The following TMEM260 variants were observed in gnomAD, a reference collection of about 807,000 sequenced individuals.
TMEM260 encodes the protein transmembrane protein 260.
TMEM260 carries 82 observed loss-of-function variants against 88.9 expected under a neutral mutation model. The observed-to-expected ratio is 0.92, with a 90% CI of 0.77 to 1.11. TMEM260 has a LOEUF of 1.11. Among genes scored for constraint, TMEM260 ranks in the 50% least tolerant of loss-of-function variants. TMEM260 has a pLI of 0.00. For missense variants in TMEM260, 902 were observed against 853.4 expected, an observed-to-expected ratio of 1.06 and a Z score of -0.71; for synonymous variants, 314 against 309.3, an observed-to-expected ratio of 1.02 and a Z score of -0.16.
intron 12 of TMEM260, among the ~76,000 whole-genome samples, 153 bp from the exon 13 acceptor site, chr14:56,632,842 A>G (rs1888719634): frequency 6.6e-6 from 1 of 152,206 alleles, no homozygotes; most frequent in South Asian, 2.1e-4. Context: ...ACAAGTGAGA[A>G]GACTAAACAC....
chr14:56,623,164 T>C (rs536435769), intron 11 of TMEM260, among the ~76,000 whole-genome samples: 1 of 152,302 alleles, frequency 6.6e-6, no homozygotes, highest in African/African-American at 2.4e-5. Context: ...TAGGGTGCAT[T>C]TGAATGCAAG....
Position 56,613,080 on chromosome 14 carries a change from T to C in TMEM260, c.857+795T>C, listed in dbSNP as rs188992737. The C allele has an allele frequency of 1.2e-3, 181 of 152,292 alleles. 2 individuals are homozygous for C. The highest frequency in any genetic ancestry group is 4.0e-3 in the African/African-American group (165 of 41,568). 9.4% of individuals were successfully genotyped at this position (152,292 alleles called of 1,614,324 possible). ...TATTTTCATGTATATTATTTAATAG[T>C]GTTCTTTGAAAACTGGGTTAATATT... On this transcript the variant is annotated intron_variant, in intron 7 of 15. Coordinates refer to ENST00000261556, the MANE Select transcript of TMEM260 (RefSeq NM_017799.4).
At chr14:56,590,667 C>A (rs758564236) in intron 3 of TMEM260, among the ~76,000 whole-genome samples, 1 of 152,216 alleles carries the variant, frequency 6.6e-6, no homozygotes, top group Non-Finnish European at 1.5e-5. Flanking sequence ...AATATCACAG[C>A]GGCAGCAGAT....
intron 3 of TMEM260, among the ~76,000 whole-genome samples, chr14:56,592,311 G>A (rs963345498): frequency 6.6e-6 from 1 of 152,106 alleles, no homozygotes; most frequent in East Asian, 1.9e-4. Flanking sequence ...TTTATATCAT[G>A]TCCTAAATTA....
At chr14:56,584,573 G>A (rs929844912) in intron 1 of TMEM260, among the ~76,000 whole-genome samples, 3 of 151,994 alleles carry the variant, frequency 2.0e-5, no homozygotes, top group African/African-American at 7.2e-5. Flanking sequence ...GGGTAGTATG[G>A]GACATTTTAT....
chr14:56,640,030 G>C (rs139055000), intron 15 of TMEM260, among the ~76,000 whole-genome samples: 2,962 of 152,206 alleles, frequency 0.019, 101 homozygotes, highest in African/African-American at 0.066. Context: ...GGAGGCCTGC[G>C]TGCCTTCCTG....
intron 12 of TMEM260, among the ~76,000 whole-genome samples, chr14:56,630,824 G>A (rs1888543565): frequency 1.3e-5 from 2 of 152,262 alleles, no homozygotes; most frequent in Middle Eastern, 3.4e-3. Context: ...TTTTTGGTCT[G>A]TTTGTTTAGC....
At chr14:56,660,490 A>G in the TMEM260 span, among the ~76,000 whole-genome samples, 7 of 152,346 alleles carry the variant, frequency 4.6e-5, no homozygotes, top group East Asian at 7.7e-4. Flanking sequence ...GAGCATGTCA[A>G]CGTCTCAAGA....
intron 12 of TMEM260, among the ~76,000 whole-genome samples, chr14:56,629,102 G>T (rs989481126): frequency 4.0e-4 from 60 of 151,872 alleles, no homozygotes; most frequent in African/African-American, 1.4e-3. Context: ...CACCATGTTG[G>T]CCAGGCTGGT....
intron 3 of TMEM260, among the ~76,000 whole-genome samples, chr14:56,603,441 A>G (rs565656973): frequency 1.2e-4 from 19 of 152,240 alleles, no homozygotes; most frequent in African/African-American, 4.1e-4. Context: ...AATTTTTACA[A>G]TCAAACATTT....
intron 3 of TMEM260, among the ~76,000 whole-genome samples, chr14:56,603,412 A>G (rs187908564): frequency 6.6e-6 from 1 of 152,272 alleles, no homozygotes; most frequent in Non-Finnish European, 1.5e-5. Flanking sequence ...TTTCTGAATA[A>G]ATATTTTTTC....
At chr14:56,612,601 T>A (rs1057474808) in intron 7 of TMEM260, 4 of 284,032 alleles carry the variant, frequency 1.4e-5, no homozygotes, top group African/African-American at 8.8e-5. Context: ...CCTAGTATAA[T>A]GTAAATGCTA....
At chr14:56,588,597 A>C (rs1234445494) in intron 3 of TMEM260, among the ~76,000 whole-genome samples, 2 of 152,028 alleles carry the variant, frequency 1.3e-5, no homozygotes, top group Non-Finnish European at 2.9e-5. Context: ...GAACTCATTT[A>C]TATTTGCTTT....
intron 4 of TMEM260, among the ~76,000 whole-genome samples, chr14:56,604,350 G>A (rs1253766667): frequency 6.6e-6 from 1 of 152,108 alleles, no homozygotes; most frequent in Non-Finnish European, 1.5e-5. Context: ...AAATTAGGAT[G>A]CATTGACTCA....
Position 56,625,401 on chromosome 14 carries a change from A to G in TMEM260, c.1418A>G (p.Tyr473Cys). The change falls in exon 12 of 16, where the codon TAT (tyrosine) becomes TGT (cysteine). Residue 473 changes from tyrosine to cysteine, a missense_variant. Physicochemically the swap from Tyr to Cys is radical, Grantham distance 194. Transcript: ENST00000261556. ...TGGCAGATGATGACTTACGAGTGGT[A>G]TTTACCCAAGATGGCAAAGCACTTG... ...VDQEMMTYEW[Y>C]LPKMAKHLPG... 1 of 1,613,688 alleles carries G rather than the reference A, an allele frequency of 6.2e-7. No individual in the cohort carries two copies. The highest frequency in any genetic ancestry group is 8.5e-7 in the Non-Finnish European group (1 of 1,179,918).
At chr14:56,652,665 A>G (rs1464452674), downstream of TMEM260, among the ~76,000 whole-genome samples, 1 of 152,212 alleles carries the variant, frequency 6.6e-6, no homozygotes, top group Non-Finnish European at 1.5e-5. Context: ...CGTTCTTAAA[A>G]GCATAAAAAA....
chr14:56,661,858 G>A, the TMEM260 span, among the ~76,000 whole-genome samples: 1 of 152,204 alleles, frequency 6.6e-6, no homozygotes, highest in Admixed American at 6.5e-5. Context: ...GTGTATGTGG[G>A]GGTGGAGTGG....
At chr14:56,637,001 A>G (rs1714606328) in intron 15 of TMEM260, among the ~76,000 whole-genome samples, 1 of 152,188 alleles carries the variant, frequency 6.6e-6, no homozygotes, top group South Asian at 2.1e-4. Context: ...AGAAGTATAC[A>G]TGATGCAGAA....
chr14:56,634,947 A>C lies in TMEM260; in HGVS notation c.1773A>C (p.Gln591His), dbSNP rs756613618. 1 of 1,614,068 alleles carries C rather than the reference A, an allele frequency of 6.2e-7. No individual in the cohort carries two copies. The highest frequency in any genetic ancestry group is 2.2e-5 in the East Asian group (1 of 44,890). The change falls in exon 14 of 16, where the codon CAA becomes CAC. Residue 591 changes from glutamine (Q) to histidine (H), a missense_variant. Physicochemically the swap from Gln to His is conservative, Grantham distance 24. Transcript: ENST00000261556. ...WESVANEEMW[Q>H]ARMKTPFFIF... ...CTGTGGCCAATGAAGAAATGTGGCA[A>C]GCGAGGTGACTATTCTACATTTTTG...
Sources: gnomAD v4.1 joint callset for allele counts (sites outside exome capture counted in the v4.1 genomes callset) on GRCh38, gnomAD v4.1.1 for gene constraint, MANE v1.5 for transcripts, NCBI Gene and HGNC (gene_info 2026-07-23, HGNC 2026-07-21) for gene names.